PIK3C2G: variants seen among roughly 807,000 people sequenced by gnomAD.
PIK3C2G encodes the protein phosphatidylinositol 3-kinase C2 domain-containing subunit gamma.
Under a neutral mutation model 181.1 loss-of-function variants are expected in PIK3C2G, and 168 were observed. The ratio of observed to expected loss-of-function variants is 0.93; its 90% CI spans 0.82 to 1.05. PIK3C2G has a LOEUF of 1.05. Ranked by LOEUF, PIK3C2G falls within the 50% of genes least tolerant of loss-of-function variation. The probability of loss-of-function intolerance (pLI) is 0.00; values close to 1 mark genes in which losing one functional copy is unlikely to be tolerated. For synonymous variants in PIK3C2G, 573 were observed against 592.2 expected, an observed-to-expected ratio of 0.97 and a Z score of 0.47; for missense variants, 1,869 against 1,732.8, an observed-to-expected ratio of 1.08 and a Z score of -1.40.
chr12:18,411,050 C>A (rs191559214), intron 16 of PIK3C2G, among the ~76,000 whole-genome samples: 1 of 152,080 alleles, frequency 6.6e-6, no homozygotes, highest in Non-Finnish European at 1.5e-5. Context: ...ATGTCTCCTT[C>A]GGTCTGAGAT....
At chr12:18,709,469 T>C in the PIK3C2G span, among the ~76,000 whole-genome samples, 5 of 152,194 alleles carry the variant, frequency 3.3e-5, no homozygotes, top group Admixed American at 3.3e-4. Flanking sequence ...CAACTTTGTT[T>C]TCATTTCTCA....
At chr12:18,539,476 G>A (rs919788402) in intron 25 of PIK3C2G, among the ~76,000 whole-genome samples, 1 of 151,558 alleles carries the variant, frequency 6.6e-6, no homozygotes, top group African/African-American at 2.4e-5. Flanking sequence ...TAAGGCCACT[G>A]TCCAATGTAA....
At chr12:18,364,418 A>G (rs1157135829) in intron 12 of PIK3C2G, among the ~76,000 whole-genome samples, 1 of 152,186 alleles carries the variant, frequency 6.6e-6, no homozygotes, top group African/African-American at 2.4e-5. Context: ...TGCTTGGTCT[A>G]ACCTGTAAAT....
At chr12:18,683,584 C>T in the PIK3C2G span, 1 of 1,457,046 alleles carries the variant, frequency 6.9e-7, no homozygotes, top group Non-Finnish European at 9.1e-7. Context: ...AAATTAGCCA[C>T]CACCCTTCTG....
In PIK3C2G at chr12:18,325,505, G is replaced by A. The variant is rs561109713; in HGVS notation, c.1272+407G>A. ...GTGCAGATCACGAGGTCAAGAGATC[G>A]AGACCATCCTGGCCAACATGGTGAA... On this transcript the variant is annotated intron_variant, in intron 8 of 32. Transcript: ENST00000538779. Among the ~76,000 whole-genome samples, 104 of 151,964 alleles carry A rather than the reference G, an allele frequency of 6.8e-4. 1 individual carries two copies. The highest frequency in any genetic ancestry group is 1.6e-4 in the Non-Finnish European group (11 of 67,938).
intron 18 of PIK3C2G, among the ~76,000 whole-genome samples, chr12:18,467,151 A>G (rs1400694901): frequency 6.6e-6 from 1 of 152,038 alleles, no homozygotes; most frequent in East Asian, 1.9e-4. Flanking sequence ...ATAATTTGAT[A>G]CTGTTAATGG....
chr12:18,449,745 T>C (rs1947246294), intron 18 of PIK3C2G, among the ~76,000 whole-genome samples: 1 of 152,194 alleles, frequency 6.6e-6, no homozygotes, highest in African/African-American at 2.4e-5. Context: ...CTATTATAAA[T>C]AGTGCTGCAA....
chr12:18,437,233 CT>C (rs1397291959), intron 18 of PIK3C2G, among the ~76,000 whole-genome samples: 5 of 151,936 alleles, frequency 3.3e-5, no homozygotes, highest in Admixed American at 2.0e-4. Flanking sequence ...ATTTTTCTTG[CT>C]TTTCTTCTAA....
intron 6 of PIK3C2G, among the ~76,000 whole-genome samples, chr12:18,318,551 T>G (rs1253969824): frequency 6.6e-6 from 1 of 152,060 alleles, no homozygotes; most frequent in Non-Finnish European, 1.5e-5. Flanking sequence ...TTATGAACAA[T>G]TATAATCTTT....
At position 18,541,206 on chromosome 12, in the gene PIK3C2G, G is replaced by A. The variant is rs112527852; in HGVS notation, c.3480+2894G>A. 4.6e-5 allele frequency among the ~76,000 whole-genome samples: 7 copies of A among 152,032 alleles called. 1 individual carries two copies. The highest frequency in any genetic ancestry group is 1.7e-4 in the African/African-American group (7 of 41,542). On this transcript the variant is annotated intron_variant, in intron 25 of 32. Transcript: ENST00000538779. The stretch of plus-strand genomic sequence containing the variant: ...AAATGATCAGTCCCCAGGATTATGG[G>A]CCACAGACATTTGGTGGGTCCACTA...
At chr12:18,342,047 T>G (rs1294495687) in intron 9 of PIK3C2G, among the ~76,000 whole-genome samples, 1 of 152,164 alleles carries the variant, frequency 6.6e-6, no homozygotes, top group Non-Finnish European at 1.5e-5. Context: ...ATTAAATGCT[T>G]ACATAATAGG....
At chr12:18,494,331 A>G (rs747605953) in intron 20 of PIK3C2G, among the ~76,000 whole-genome samples, 5 of 152,174 alleles carry the variant, frequency 3.3e-5, no homozygotes, top group Non-Finnish European at 7.4e-5. Flanking sequence ...TTTTTCTTAA[A>G]ATGTGGCTTC....
At position 18,595,832 on chromosome 12, in the gene PIK3C2G, T is replaced by C. The variant is rs532991463; in HGVS notation, c.4087+1263T>C. ...TTATTTTGCACTGAGCCCCACCAAT[T>C]ATGTAGCTGGTCTTGCCCTTTGGAT... On this transcript the variant is annotated intron_variant, in intron 30 of 32. Coordinates refer to ENST00000538779, the MANE Select transcript of PIK3C2G (RefSeq NM_001288772.2). Among the ~76,000 whole-genome samples, 10 of 152,242 alleles carry C rather than the reference T, an allele frequency of 6.6e-5. No homozygotes were observed. In the South Asian group the frequency reaches 1.7e-3, roughly 25 times the overall value.
At chr12:18,401,733 C>T (rs1944261306) in intron 16 of PIK3C2G, among the ~76,000 whole-genome samples, 1 of 152,232 alleles carries the variant, frequency 6.6e-6, no homozygotes. Flanking sequence ...AAAGAAAATA[C>T]ACAAATGCCG....
At chr12:18,269,009 CA>C (rs780549606) in intron 1 of PIK3C2G, among the ~76,000 whole-genome samples, 1 of 151,900 alleles carries the variant, frequency 6.6e-6, no homozygotes, top group Non-Finnish European at 1.5e-5. Flanking sequence ...CCTCCTGGGT[CA>C]AACAATTCTC....
chr12:18,538,257 G>C lies in PIK3C2G; in HGVS notation c.3425G>C (p.Arg1142Pro). Residue 1142 changes from arginine to proline, a missense_variant, in exon 25 of 33, where the codon CGT becomes CCT. Arg to Pro is a moderately radical substitution (Grantham distance 103). Transcript: ENST00000538779. ...CAAGATTTTGTGGAACTTTGCTGTC[G>C]TGCTTATAATATTATCAGAAAGCAC... ...HFQDFVELCC[R>P]AYNIIRKHSQ... 6.2e-7 allele frequency: 1 copy of C among 1,612,036 alleles called. No individual in the cohort carries two copies. Among genetic ancestry groups the C allele is most frequent in the Non-Finnish European group, 8.5e-7 (1 of 1,178,900 alleles).
upstream of PIK3C2G, among the ~76,000 whole-genome samples, chr12:18,243,098 G>A (rs1336787800): frequency 1.3e-5 from 2 of 151,946 alleles, no homozygotes; most frequent in African/African-American, 4.8e-5. Flanking sequence ...CTGAAATGAA[G>A]TTTTCAACAT....
chr12:18,659,440 G>A, the PIK3C2G span, among the ~76,000 whole-genome samples: 1 of 152,132 alleles, frequency 6.6e-6, no homozygotes, highest in Non-Finnish European at 1.5e-5. Context: ...TGCATACTTA[G>A]AGATGATGTT....
At chr12:18,479,643 A>C (rs1277529650) in intron 18 of PIK3C2G, among the ~76,000 whole-genome samples, 1 of 152,206 alleles carries the variant, frequency 6.6e-6, no homozygotes, top group Non-Finnish European at 1.5e-5. Flanking sequence ...CAGCTTACTA[A>C]ACCTCACCAA....
Sources: allele counts gnomAD v4.1 joint callset (sites outside exome capture counted in the v4.1 genomes callset), GRCh38; gene constraint gnomAD v4.1.1; transcripts MANE v1.5; gene names NCBI Gene and HGNC (gene_info 2026-07-23, HGNC 2026-07-21).